Variants in TMTC1 observed in about 807,000 individuals in gnomAD.
TMTC1 encodes protein O-mannosyl-transferase TMTC1.
TMTC1 carries 73 observed loss-of-function variants against 104.8 expected under a neutral mutation model. The ratio of observed to expected loss-of-function variants is 0.70; its 90% confidence interval spans 0.58 to 0.85. The LOEUF is 0.85. TMTC1 is among the 40% of genes least tolerant of loss of function. TMTC1 has a pLI of 0.00. For missense variants in TMTC1, 1,035 were observed against 1,096.1 expected (o/e 0.94, Z 0.79); for synonymous variants, 434 against 428.7 (o/e 1.01, Z -0.15).
intron 5 of TMTC1, among the ~76,000 whole-genome samples, chr12:29,705,222 C>A (rs1941707216): frequency 6.6e-6 from 1 of 152,164 alleles, no homozygotes; most frequent in South Asian, 2.1e-4. Context: ...CCATTCAAAT[C>A]CCGGGTGCAC....
intron 10 of TMTC1, among the ~76,000 whole-genome samples, chr12:29,555,776 A>C (rs1945227585): frequency 6.6e-6 from 1 of 152,196 alleles, no homozygotes; most frequent in Non-Finnish European, 1.5e-5. Flanking sequence ...ATAGTGCTGC[A>C]ATAAACATAT....
At chr12:29,761,064 T>C (rs1480022109) in intron 2 of TMTC1, among the ~76,000 whole-genome samples, 1 of 148,006 alleles carries the variant, frequency 6.8e-6, no homozygotes, top group African/African-American at 2.4e-5. Flanking sequence ...ATAAGTATTA[T>C]ATGTTTATAT....
At chr12:29,646,754 CA>C (rs1565737303) in intron 5 of TMTC1, among the ~76,000 whole-genome samples, 2 of 152,130 alleles carry the variant, frequency 1.3e-5, no homozygotes, top group African/African-American at 4.8e-5. Flanking sequence ...AAAGACATAA[CA>C]GGGGCAGCAT....
At position 29,564,988 on chromosome 12, in the gene TMTC1, G is replaced by C. The variant is rs555223707; in HGVS notation, c.1532+7117C>G. ...GAAAAATGAGCAGGGTAGTAAAAGA[G>C]GAAAATCTGAATTAATCAGGGTTCT... On this transcript the variant is annotated intron_variant, in intron 9 of 17. Coordinates refer to ENST00000539277, the MANE Select transcript of TMTC1 (RefSeq NM_001193451.2). Among the ~76,000 whole-genome samples the C allele has an allele frequency of 5.3e-5, 8 of 152,270 alleles. No homozygotes were observed. The East Asian group carries it at 1.5e-3, about 29-fold the overall frequency.
At chr12:29,643,557 T>C (rs1938990638) in intron 5 of TMTC1, among the ~76,000 whole-genome samples, 1 of 90,026 alleles carries the variant, frequency 1.1e-5, no homozygotes, top group African/African-American at 4.8e-5. Context: ...ATATATGTTA[T>C]ATATTATAAT....
At chr12:29,614,697 A>G (rs1386038582) in intron 6 of TMTC1, among the ~76,000 whole-genome samples, 1 of 152,234 alleles carries the variant, frequency 6.6e-6, no homozygotes, top group African/African-American at 2.4e-5. Flanking sequence ...TGTATATAAA[A>G]GACAAGAAGG....
At chr12:29,780,441 G>T (rs1943808292) in intron 1 of TMTC1, among the ~76,000 whole-genome samples, 1 of 152,168 alleles carries the variant, frequency 6.6e-6, no homozygotes, top group African/African-American at 2.4e-5. Flanking sequence ...TATTAAAATG[G>T]CAAAATGATA....
At chr12:29,670,122 T>G (rs938046343) in intron 5 of TMTC1, among the ~76,000 whole-genome samples, 1 of 152,254 alleles carries the variant, frequency 6.6e-6, no homozygotes, top group African/African-American at 2.4e-5. Context: ...AGTGCACAAG[T>G]AGACGTTTGC....
At chr12:29,516,250 A>G (rs1943982457) in intron 15 of TMTC1, 99 bp downstream of exon 15, 1 of 1,436,936 alleles carries the variant, frequency 7.0e-7, no homozygotes, top group South Asian at 1.4e-5. Context: ...AAGATTTAAG[A>G]TTTCCCAGGC....
Position 29,771,571 on chromosome 12 carries a change from T to C in TMTC1, c.303-3496A>G, listed in dbSNP as rs116994126. On this transcript the variant is annotated intron_variant, in intron 1 of 17. Transcript: ENST00000539277. ...ATCTGTTCCCAAAGAGTTAACAGCA[T>C]AGTAGGAGCAGGCAAGGTAATTAAA... is the stretch of plus-strand genomic sequence containing the variant. 1.0e-3 allele frequency among the ~76,000 whole-genome samples: 156 copies of C among 152,226 alleles called. 3 individuals carry two copies. The East Asian group carries it at 0.029, about 28-fold the overall frequency.
rs899321641 is a variant in TMTC1 at position 29,501,314 on chromosome 12, G to C, written c.*5532C>G. Reference sequence around the variant, plus strand: ...TAGGGTTGTATCATTTAAAAAAGGGGCAACATTTATGAATTATCTCATCAG... The same window carrying C: ...TAGGGTTGTATCATTTAAAAAAGGGCCAACATTTATGAATTATCTCATCAG... On this transcript the variant is annotated 3_prime_UTR_variant, in exon 18 of 18. Transcript: ENST00000539277. 6.6e-6 allele frequency: 1 copy of C among 152,118 alleles called. No individual in the cohort carries two copies. Among genetic ancestry groups the C allele is most frequent in the Non-Finnish European group, 1.5e-5 (1 of 68,024 alleles). 9.4% of individuals were successfully genotyped at this position (152,118 alleles called of 1,614,324 possible). A position where few individuals can be genotyped will look rare whatever the true frequency, so the allele number is the denominator to read the frequency against.
chr12:29,673,360 T>C (rs527290763), intron 5 of TMTC1, among the ~76,000 whole-genome samples: 1 of 152,342 alleles, frequency 6.6e-6, no homozygotes, highest in African/African-American at 2.4e-5. Flanking sequence ...CAGATAACTG[T>C]CAGCATGTCA....
intron 5 of TMTC1, among the ~76,000 whole-genome samples, chr12:29,691,170 G>T (rs1469129246): frequency 6.6e-6 from 1 of 152,140 alleles, no homozygotes; most frequent in Non-Finnish European, 1.5e-5. Flanking sequence ...TCCCCAAATT[G>T]CTCCTGGGAA....
chr12:29,537,905 G>A (rs545855248), intron 10 of TMTC1, among the ~76,000 whole-genome samples: 20 of 152,284 alleles, frequency 1.3e-4, no homozygotes, highest in Admixed American at 1.1e-3. Context: ...GGAAAAAACC[G>A]CCATGCTTCC....
At chr12:29,637,074 AC>A (rs1938591030) in intron 5 of TMTC1, among the ~76,000 whole-genome samples, 1 of 124,750 alleles carries the variant, frequency 8.0e-6, no homozygotes, top group Non-Finnish European at 1.7e-5. Context: ...ATGAAACGAA[AC>A]AAAATGAGAA....
intron 5 of TMTC1, chr12:29,661,426 T>TTC (rs1940017886): frequency 2.7e-6 from 2 of 736,884 alleles, no homozygotes; most frequent in Middle Eastern, 7.2e-4. Flanking sequence ...GTAATTTTTT[T>TTC]TTTTTTTTTT....
At chr12:29,732,029 A>G (rs1942557169) in intron 5 of TMTC1, among the ~76,000 whole-genome samples, 1 of 152,184 alleles carries the variant, frequency 6.6e-6, no homozygotes, top group Non-Finnish European at 1.5e-5. Flanking sequence ...TATTTATTCC[A>G]TATAAATTAT....
intron 5 of TMTC1, among the ~76,000 whole-genome samples, chr12:29,686,640 C>T (rs1941103281): frequency 6.6e-6 from 1 of 152,156 alleles, no homozygotes; most frequent in African/African-American, 2.4e-5. Context: ...TGTACAGACA[C>T]CATCCTTGAG....
intron 6 of TMTC1, among the ~76,000 whole-genome samples, chr12:29,604,947 GT>G (rs1946658979): frequency 6.6e-6 from 1 of 151,788 alleles, no homozygotes; most frequent in Non-Finnish European, 1.5e-5. Flanking sequence ...AACCTCCTCT[GT>G]TATTATATAT....
Sources: allele counts gnomAD v4.1 joint callset (sites outside exome capture counted in the v4.1 genomes callset), GRCh38; gene constraint gnomAD v4.1.1; transcripts MANE v1.5; gene names NCBI Gene and HGNC (gene_info 2026-07-23, HGNC 2026-07-21).